SCHIP1: variants seen among roughly 807,000 people sequenced by gnomAD.
The protein encoded by SCHIP1 is schwannomin interacting protein 1.
SCHIP1 carries 8 observed loss-of-function variants against 29.7 expected under a neutral mutation model. The observed-to-expected ratio is 0.27, with a 90% CI of 0.16 to 0.49. SCHIP1 has a LOEUF of 0.49. Among genes scored for constraint, SCHIP1 ranks in the 20% least tolerant of loss-of-function variants. The pLI is 0.99. For synonymous variants in SCHIP1, 76 were observed against 94.9 expected (o/e 0.80, Z 1.16); for missense variants, 193 against 294.6 (o/e 0.66, Z 2.52).
the SCHIP1 span, among the ~76,000 whole-genome samples, chr3:159,291,341 T>A: frequency 2.0e-5 from 3 of 152,136 alleles, no homozygotes; most frequent in East Asian, 3.9e-4. Context: ...TAAAAATATG[T>A]GATTAATATG....
chr3:159,652,682 T>C, the SCHIP1 span, among the ~76,000 whole-genome samples: 1 of 152,056 alleles, frequency 6.6e-6, no homozygotes, highest in East Asian at 1.9e-4. Context: ...TGACGACTGT[T>C]GAAATGACAT....
chr3:159,586,906 G>A, the SCHIP1 span, among the ~76,000 whole-genome samples: 1 of 152,184 alleles, frequency 6.6e-6, no homozygotes, highest in Non-Finnish European at 1.5e-5. Context: ...AATTTACTTG[G>A]CAGCAGGTAA....
the SCHIP1 span, among the ~76,000 whole-genome samples, chr3:159,673,572 T>C: frequency 6.6e-6 from 1 of 152,206 alleles, no homozygotes; most frequent in African/African-American, 2.4e-5. Context: ...AAAGTTCTCA[T>C]GTGAGCAGCT....
chr3:159,570,215 G>C, the SCHIP1 span, among the ~76,000 whole-genome samples: 1 of 152,122 alleles, frequency 6.6e-6, no homozygotes, highest in East Asian at 1.9e-4. Context: ...TGAAGTCCTT[G>C]CCCATGCCTA....
the SCHIP1 span, chr3:159,274,999 G>A: frequency 1.2e-5 from 12 of 982,076 alleles, no homozygotes; most frequent in Non-Finnish European, 1.5e-5. Context: ...AATTACTGTT[G>A]CTTCTTAACT....
chr3:159,552,151 G>T, the SCHIP1 span, among the ~76,000 whole-genome samples: 1 of 146,762 alleles, frequency 6.8e-6, no homozygotes, highest in Non-Finnish European at 1.5e-5. Context: ...AGATTCTCCT[G>T]CCTCAGCCCT....
At chr3:159,643,016 G>A in the SCHIP1 span, among the ~76,000 whole-genome samples, 2 of 152,060 alleles carry the variant, frequency 1.3e-5, no homozygotes, top group South Asian at 4.2e-4. Flanking sequence ...GAAGAAGAGT[G>A]GTAGTCAGAT....
the SCHIP1 span, among the ~76,000 whole-genome samples, chr3:159,344,740 A>T: frequency 1.4e-3 from 211 of 152,368 alleles, no homozygotes; most frequent in African/African-American, 4.8e-3. Flanking sequence ...TGGAATAGAA[A>T]AAGTTCATTA....
At chr3:159,742,773 T>C in the SCHIP1 span, among the ~76,000 whole-genome samples, 1 of 151,784 alleles carries the variant, frequency 6.6e-6, no homozygotes, top group African/African-American at 2.4e-5. Context: ...GTTCAAGCAA[T>C]TTTCCTGCCT....
chr3:159,506,092 T>G, the SCHIP1 span, among the ~76,000 whole-genome samples: 1 of 152,234 alleles, frequency 6.6e-6, no homozygotes, highest in East Asian at 1.9e-4. Flanking sequence ...ACCAACAGTG[T>G]AAAAGTGTTC....
chr3:159,744,749 G>A, the SCHIP1 span, among the ~76,000 whole-genome samples: 45 of 152,232 alleles, frequency 3.0e-4, no homozygotes, highest in African/African-American at 1.1e-3. Context: ...AGGCCGAGGC[G>A]GGTGGATCAC....
At chr3:159,344,328 A>G in the SCHIP1 span, among the ~76,000 whole-genome samples, 1 of 151,798 alleles carries the variant, frequency 6.6e-6, no homozygotes, top group African/African-American at 2.4e-5. Flanking sequence ...TCTCAAAAAA[A>G]AAAAAAAAAA....
the SCHIP1 span, among the ~76,000 whole-genome samples, chr3:159,379,411 CAG>C: frequency 6.6e-6 from 1 of 152,194 alleles, no homozygotes; most frequent in East Asian, 1.9e-4. Flanking sequence ...TTAGTAGAGA[CAG>C]GGTTTCACCA....
chr3:159,601,298 T>C, the SCHIP1 span, among the ~76,000 whole-genome samples: 2 of 152,140 alleles, frequency 1.3e-5, no homozygotes, highest in African/African-American at 4.8e-5. Context: ...AGCTGTGGTA[T>C]GGAATCACCC....
At chr3:159,880,617 A>G (rs1222921338) in intron 2 of SCHIP1, among the ~76,000 whole-genome samples, 2 of 152,198 alleles carry the variant, frequency 1.3e-5, no homozygotes, top group Non-Finnish European at 2.9e-5. Context: ...GCAATAGAGA[A>G]TACTGGGGAC....
At chr3:159,370,113 T>G in the SCHIP1 span, among the ~76,000 whole-genome samples, 1 of 152,164 alleles carries the variant, frequency 6.6e-6, no homozygotes, top group African/African-American at 2.4e-5. Flanking sequence ...AAAACCTAAA[T>G]TGAATATGTC....
chr3:159,712,621 C>T, the SCHIP1 span, among the ~76,000 whole-genome samples: 868 of 151,842 alleles, frequency 5.7e-3, 13 homozygotes, highest in African/African-American at 0.02. Flanking sequence ...GAGGCTGAGG[C>T]AGGAGGACCA....
At chr3:159,295,243 C>A in the SCHIP1 span, among the ~76,000 whole-genome samples, 1 of 108,480 alleles carries the variant, frequency 9.2e-6, no homozygotes, top group Non-Finnish European at 1.8e-5. Flanking sequence ...TGGTGAAATT[C>A]TATCTCTACT....
chr3:159,578,204 G>C, the SCHIP1 span, among the ~76,000 whole-genome samples: 3 of 152,130 alleles, frequency 2.0e-5, no homozygotes, highest in African/African-American at 7.2e-5. Flanking sequence ...ATCTGCATTT[G>C]AGCTATCCAA....
Sources: allele counts gnomAD v4.1 joint callset (sites outside exome capture counted in the v4.1 genomes callset), GRCh38; gene constraint gnomAD v4.1.1; transcripts MANE v1.5; gene names NCBI Gene and HGNC (gene_info 2026-07-23, HGNC 2026-07-21).